TNPO2: variants seen among roughly 807,000 people sequenced by gnomAD.
The protein encoded by TNPO2 is transportin-2.
A neutral mutation model predicts 111.1 loss-of-function variants in TNPO2; 16 were observed. The ratio of observed to expected loss-of-function variants is 0.14; its 90% CI spans 0.10 to 0.22. The LOEUF (loss-of-function observed/expected upper bound fraction) is 0.22. Among genes scored for constraint, TNPO2 ranks in the 10% least tolerant of loss-of-function variants. The pLI is 1.00. For missense variants in TNPO2, 530 were observed against 1,173.7 expected (o/e 0.45, Z 8.01); for synonymous variants, 481 against 475.8 (o/e 1.01, Z -0.14).
chr19:12,702,035 G>A lies in TNPO2; in HGVS notation c.2411+37C>T, dbSNP rs771941251. The A allele has an allele frequency of 1.5e-5, 24 of 1,596,522 alleles. No individual in the cohort carries two copies. The highest frequency in any genetic ancestry group is 3.3e-5 in the Admixed American group (2 of 59,916). On this transcript the variant is annotated intron_variant, in intron 22 of 25. Coordinates refer to ENST00000425528, the MANE Select transcript of TNPO2 (RefSeq NM_001382241.1). The surrounding 1 kb of genome is among the most constrained non-coding windows in gnomAD (Gnocchi z 5.5). The stretch of plus-strand genomic sequence containing the variant: ...CGAGGGAGGGGGTTGGGCCAGTCCC[G>A]CCCACCACACAGCAGGCTTGACACG...
rs1297076784 is a variant in TNPO2, at chr19:12,705,412, C to T, written c.1864-14G>A. ...CTGGGTGTACATCTAGACACAGATG[C>T]CGACAGGGGCACGGGTAAGTGGAGC... On this transcript the variant is annotated splice_polypyrimidine_tract_variant and intron_variant, in intron 17 of 25. Coordinates refer to ENST00000425528, the MANE Select transcript of TNPO2 (RefSeq NM_001382241.1). The surrounding 1 kb of genome is among the most constrained non-coding windows in gnomAD (Gnocchi z 7.2). 13 of 1,578,224 alleles carry T rather than the reference C, an allele frequency of 8.2e-6. No homozygotes were observed. The highest frequency in any genetic ancestry group is 1.4e-5 in the African/African-American group (1 of 74,072).
rs1217195093 is a variant in TNPO2, at chr19:12,705,533, G to A, written c.1822C>T (p.Arg608Cys). 6.2e-7 allele frequency: 1 copy of A among 1,604,774 alleles called. No homozygotes were observed. ...FLPYCEPVYQRCVTLVQKTLA... is the reference protein window; with the variant it reads ...FLPYCEPVYQCCVTLVQKTLA... Reference sequence around the variant, plus strand: ...GTCTTCTGCACCAGGGTGACACAGCGCTGGTAGACGGGCTCACAGTAAGGC... The same window carrying A: ...GTCTTCTGCACCAGGGTGACACAGCACTGGTAGACGGGCTCACAGTAAGGC... The change falls in exon 17 of 26, where the codon CGC becomes TGC. Residue 608 changes from arginine to cysteine, a missense_variant. Physicochemically the swap from Arg to Cys is radical, Grantham distance 180 (BLOSUM62 -3). Coordinates refer to ENST00000425528, the MANE Select transcript of TNPO2 (RefSeq NM_001382241.1). The surrounding 1 kb of genome is among the most constrained non-coding windows in gnomAD (Gnocchi z 7.2).
intron 2 of TNPO2, among the ~76,000 whole-genome samples, chr19:12,722,748 CAA>C (rs935085616): frequency 1.3e-5 from 2 of 152,012 alleles, no homozygotes; most frequent in Non-Finnish European, 2.9e-5. Flanking sequence ...GTCACGTGAC[CAA>C]AGAGTTGCCG....
Position 12,702,990 on chromosome 19 carries a change from A to C in TNPO2, c.2210-72T>G. ...AGGGGCCAGGGGGCCGCCCCACCTCACTCACTACTCGCCCCAGTTCCAACT... is the reference window on the plus strand; with the variant it reads ...AGGGGCCAGGGGGCCGCCCCACCTCCCTCACTACTCGCCCCAGTTCCAACT... On this transcript the variant is annotated intron_variant, in intron 20 of 25. Transcript: ENST00000425528. This position sits in a 1 kb window ranked among gnomAD's most constrained non-coding sequence, Gnocchi z 5.5. 1 of 1,352,540 alleles carries C rather than the reference A, an allele frequency of 7.4e-7. No individual in the cohort carries two copies. The highest frequency in any genetic ancestry group is 1.0e-6 in the Non-Finnish European group (1 of 954,538). 83.8% of individuals were successfully genotyped at this position (1,352,540 alleles called of 1,614,324 possible). A position where few individuals can be genotyped will look rare whatever the true frequency, so the allele number is the denominator to read the frequency against.
Position 12,701,767 on chromosome 19 carries a change from C to T in TNPO2, c.2496G>A (p.Pro832=), listed in dbSNP as rs541143264. The T allele has an allele frequency of 3.5e-5, 57 of 1,613,826 alleles. No individual in the cohort carries two copies. Among genetic ancestry groups the T allele is most frequent in the East Asian group, 2.2e-4 (10 of 44,892 alleles). ...CTGCCCCAACCTGCACAACGCCCCC[C>T]GGGTTGACACCGATCATCATGCAGA... ...RGICMMIGVN[P]GGVVQDFIFF... Residue 832 remains proline (P), a synonymous_variant, in exon 23 of 26, where the codon CCG becomes CCA. Coordinates refer to ENST00000425528, the MANE Select transcript of TNPO2 (RefSeq NM_001382241.1). The surrounding 1 kb of genome is among the most constrained non-coding windows in gnomAD (Gnocchi z 5.0).
chr19:12,702,799 G>A lies in TNPO2; in HGVS notation c.2305+24C>T. 6.2e-7 allele frequency: 1 copy of A among 1,608,122 alleles called. No individual in the cohort carries two copies. Among genetic ancestry groups the A allele is most frequent in the South Asian group, 1.1e-5 (1 of 90,950 alleles). ...CTCCAGAAGGCAGGCAGGGGTGCAG[G>A]CAGCAGCCGGGCCAGGTGCCCACCT... is the stretch of plus-strand genomic sequence containing the variant. On this transcript the variant is annotated intron_variant, in intron 21 of 25. Coordinates refer to ENST00000425528, the MANE Select transcript of TNPO2 (RefSeq NM_001382241.1). This position sits in a 1 kb window ranked among gnomAD's most constrained non-coding sequence, Gnocchi z 5.5.
At position 12,703,477 on chromosome 19, in the gene TNPO2, G is replaced by A. The variant is rs202014298; in HGVS notation, c.2160C>T (p.Ser720=). The A allele has an allele frequency of 7.4e-6, 12 of 1,614,034 alleles. No homozygotes were observed. In the African/African-American group the frequency reaches 1.1e-4, roughly 14 times the overall value. Reference sequence around the variant, plus strand: ...TGGCCCAGGTGGCGTTGTTGCAGACGGAGATGAACTCTGGGTTCAGGTTGG... The same window carrying A: ...TGGCCCAGGTGGCGTTGTTGCAGACAGAGATGAACTCTGGGTTCAGGTTGG... ...LGTNLNPEFI[S]VCNNATWAIG... The change falls in exon 20 of 26, where the codon TCC becomes TCT. Residue 720 remains serine (S), a synonymous_variant. Transcript: ENST00000425528.
rs1261145628 is a variant in TNPO2 at position 12,715,016 on chromosome 19, G to C, written c.771+31C>G. Reference sequence around the variant, plus strand: ...GACCCCTGCCACCGGCCCCCTGCCTGCCCGCCTGGGCTGGCCTTGACCATG... The same window carrying C: ...GACCCCTGCCACCGGCCCCCTGCCTCCCCGCCTGGGCTGGCCTTGACCATG... On this transcript the variant is annotated intron_variant, in intron 9 of 25. Coordinates refer to ENST00000425528, the MANE Select transcript of TNPO2 (RefSeq NM_001382241.1). The surrounding 1 kb of genome is among the most constrained non-coding windows in gnomAD (Gnocchi z 7.1). 1 of 1,574,756 alleles carries C rather than the reference G, an allele frequency of 6.4e-7. No individual in the cohort carries two copies. Among genetic ancestry groups the C allele is most frequent in the Non-Finnish European group, 8.6e-7 (1 of 1,161,826 alleles).
chr19:12,709,103 C>T (rs2025885090), intron 13 of TNPO2, among the ~76,000 whole-genome samples: 1 of 151,442 alleles, frequency 6.6e-6, no homozygotes, highest in African/African-American at 2.4e-5. Flanking sequence ...GGCTCACACC[C>T]GTAATCCCAG....
chr19:12,722,365 C>G (rs1967036095), intron 2 of TNPO2: 1 of 150,340 alleles, frequency 6.7e-6, no homozygotes, highest in Admixed American at 6.6e-5. Context: ...CGGCCTTTCC[C>G]GGTCGGGCGC....
intron 13 of TNPO2, among the ~76,000 whole-genome samples, chr19:12,709,134 G>A (rs1331058588): frequency 6.6e-6 from 1 of 152,036 alleles, no homozygotes; most frequent in African/African-American, 2.4e-5. Context: ...GGCCAAGGCA[G>A]GCAGATCATG....
chr19:12,706,844 C>T lies in TNPO2; in HGVS notation c.1271-49G>A, dbSNP rs1362216013. ...GGGGCAGTTTGATTGGGCCCAGCCACACCCACCGTATGGAGAGAAGAGTCA... is the reference window on the plus strand; with the variant it reads ...GGGGCAGTTTGATTGGGCCCAGCCATACCCACCGTATGGAGAGAAGAGTCA... On this transcript the variant is annotated intron_variant, in intron 13 of 25. Transcript: ENST00000425528. The surrounding 1 kb of genome is among the most constrained non-coding windows in gnomAD (Gnocchi z 7.0). 6.8e-7 allele frequency: 1 copy of T among 1,471,140 alleles called. No individual in the cohort carries two copies. The highest frequency in any genetic ancestry group is 1.4e-5 in the African/African-American group (1 of 71,506). The allele number at this position is 1,471,140 out of a possible 1,614,324, so 91.1% of individuals were successfully genotyped here. A position where few individuals can be genotyped will look rare whatever the true frequency, so the allele number is the denominator to read the frequency against.
intron 3 of TNPO2, 36 bp downstream of exon 3, chr19:12,720,843 C>A: frequency 6.4e-7 from 1 of 1,555,454 alleles, no homozygotes. Flanking sequence ...CACGCATCTA[C>A]CCGGCTCCCC....
In TNPO2 at chr19:12,717,491, C is replaced by T. The variant is rs184001099; in HGVS notation, c.325+1538G>A. On this transcript the variant is annotated intron_variant, in intron 5 of 25. Transcript: ENST00000425528. ...TTCACCATGTTGGCCAGGCTGGTCT[C>T]GAACTCCTGACCTCAGGTGATCCAC... 5.3e-5 allele frequency among the ~76,000 whole-genome samples: 8 copies of T among 151,904 alleles called. No homozygotes were observed. In the East Asian group the frequency reaches 1.6e-3, roughly 30 times the overall value.
Position 12,715,824 on chromosome 19 carries a change from G to A in TNPO2, c.326-85C>T. 3 of 1,088,276 alleles carry A rather than the reference G, an allele frequency of 2.8e-6. No individual in the cohort carries two copies. Among genetic ancestry groups the A allele is most frequent in the Non-Finnish European group, 4.0e-6 (3 of 743,804 alleles). 67.4% of individuals were successfully genotyped at this position (1,088,276 alleles called of 1,614,324 possible). A position where few individuals can be genotyped will look rare whatever the true frequency, so the allele number is the denominator to read the frequency against. On this transcript the variant is annotated intron_variant, in intron 5 of 25. Coordinates refer to ENST00000425528, the MANE Select transcript of TNPO2 (RefSeq NM_001382241.1). This position sits in a 1 kb window ranked among gnomAD's most constrained non-coding sequence, Gnocchi z 7.1. The stretch of plus-strand genomic sequence containing the variant: ...CCTCCCACTGGACACCCCCAGTGCT[G>A]CCTTTCTGTTCCCTAGCCCATGTAC...
In TNPO2 at chr19:12,710,742, G is replaced by A. The variant is rs751685033; in HGVS notation, c.1149C>T (p.Leu383=). ...GCAGTTCCTCCCGGAAGACATTGGC[G>A]AGGACGTCCAGTGCAGCCGCTGAGC... ...RKCSAAALDV[L]ANVFREELLP... The change falls in exon 13 of 26, where the codon CTC becomes CTT. Residue 383 remains leucine, a synonymous_variant. Transcript: ENST00000425528. 1.8e-5 allele frequency: 29 copies of A among 1,613,008 alleles called. No individual in the cohort carries two copies. The highest frequency in any genetic ancestry group is 2.4e-5 in the Non-Finnish European group (28 of 1,179,572).
At chr19:12,710,083 C>T (rs2145536437) in intron 13 of TNPO2, among the ~76,000 whole-genome samples, 1 of 152,174 alleles carries the variant, frequency 6.6e-6, no homozygotes, top group South Asian at 2.1e-4. Context: ...ACCATGGGAG[C>T]CTGAAAACCC....
At position 12,719,001 on chromosome 19, in the gene TNPO2, A is replaced by G; in HGVS notation, c.325+28T>C. On this transcript the variant is annotated intron_variant, in intron 5 of 25. Transcript: ENST00000425528. This position sits in a 1 kb window ranked among gnomAD's most constrained non-coding sequence, Gnocchi z 5.0. ...AGAAGTGAGAGTTCAGTGTGTCCTCAGAGGCCAACCCCCGCTGCCCCTCTC... is the reference window on the plus strand; with the variant it reads ...AGAAGTGAGAGTTCAGTGTGTCCTCGGAGGCCAACCCCCGCTGCCCCTCTC... 16 of 1,611,530 alleles carry G rather than the reference A, an allele frequency of 9.9e-6. No individual in the cohort carries two copies. The highest frequency in any genetic ancestry group is 1.4e-5 in the Non-Finnish European group (16 of 1,179,360).
chr19:12,699,310 C>CCCG lies in TNPO2; in HGVS notation c.*1951_*1953dup. ...AGTAACAAATGGACAGACCCGGGAG[C>CCCG]CCGCAGGGGGAAGAGGGTGAGGAGG... On this transcript the variant is annotated 3_prime_UTR_variant, in exon 26 of 26. Transcript: ENST00000425528. The CCCG allele has an allele frequency of 2.3e-6, 1 of 431,538 alleles. No homozygotes were observed. The highest frequency in any genetic ancestry group is 1.7e-5 in the South Asian group (1 of 60,414). 26.7% of individuals were successfully genotyped at this position (431,538 alleles called of 1,614,324 possible). A position where few individuals can be genotyped will look rare whatever the true frequency, so the allele number is the denominator to read the frequency against.
Sources: gnomAD v4.1 joint callset for allele counts (sites outside exome capture counted in the v4.1 genomes callset) on GRCh38, gnomAD v4.1.1 for gene constraint, Gnocchi (gnomAD v3.1) non-coding constraint, MANE v1.5 for transcripts, NCBI Gene and HGNC (gene_info 2026-07-23, HGNC 2026-07-21) for gene names.